Variants in ARHGAP28 observed in about 807,000 individuals in gnomAD.
ARHGAP28 encodes Rho GTPase activating protein 28, also known as rho GTPase-activating protein 28.
In ARHGAP28, 56 loss-of-function variants were observed where a neutral mutation model predicts 90.7. That is an observed-to-expected ratio of 0.62 (90% confidence interval 0.50 to 0.77). ARHGAP28 has a LOEUF of 0.77. Among genes scored for constraint, ARHGAP28 ranks in the 30% least tolerant of loss-of-function variants. The probability of loss-of-function intolerance (pLI) is 0.00; values close to 1 mark genes in which losing one functional copy is unlikely to be tolerated. For synonymous variants in ARHGAP28, 308 were observed against 323.3 expected (o/e 0.95, Z 0.51); for missense variants, 869 against 900.9 (o/e 0.96, Z 0.45).
chr18:6,854,578 T>C (rs1050365426), intron 4 of ARHGAP28, among the ~76,000 whole-genome samples: 2 of 152,176 alleles, frequency 1.3e-5, no homozygotes, highest in Admixed American at 6.5e-5. Flanking sequence ...CTAAATTTTA[T>C]TGAAGGCAGG....
rs187894705 is a variant in ARHGAP28 at position 6,740,363 on chromosome 18, G to A, written c.122+10420G>A. ...CAAAAATTTAGGCTGTGGAAACTCA[G>A]ACTCCTGAGCCATCCCTAGTCTCCT... is the stretch of plus-strand genomic sequence containing the variant. On this transcript the variant is annotated intron_variant, in intron 1 of 17. Coordinates refer to ENST00000383472, the MANE Select transcript of ARHGAP28 (RefSeq NM_001366230.1). Among the ~76,000 whole-genome samples, 120 of 152,264 alleles carry A rather than the reference G, an allele frequency of 7.9e-4. 1 individual carries two copies. Among genetic ancestry groups the A allele is most frequent in the African/African-American group, 2.6e-3 (109 of 41,562 alleles).
intron 1 of ARHGAP28, among the ~76,000 whole-genome samples, chr18:6,782,333 C>T (rs867341597): frequency 6.6e-6 from 1 of 152,082 alleles, no homozygotes; most frequent in South Asian, 2.1e-4. Context: ...TTATTCCTAA[C>T]AGCCTCGATT....
chr18:6,792,314 T>C (rs182601535), intron 1 of ARHGAP28, among the ~76,000 whole-genome samples: 21 of 152,338 alleles, frequency 1.4e-4, no homozygotes, highest in Admixed American at 9.1e-4. Context: ...TGTTCATCAG[T>C]TATGCTCAAT....
At chr18:6,814,792 C>A (rs1477233852) in intron 1 of ARHGAP28, among the ~76,000 whole-genome samples, 1 of 152,086 alleles carries the variant, frequency 6.6e-6, no homozygotes, top group African/African-American at 2.4e-5. Context: ...TATAAAAAGA[C>A]AATTTTTAAA....
At chr18:6,874,022 C>G (rs1362172531) in intron 9 of ARHGAP28, among the ~76,000 whole-genome samples, 1 of 152,196 alleles carries the variant, frequency 6.6e-6, no homozygotes. Context: ...CATCAGGTGA[C>G]AGACACAGAT....
intron 10 of ARHGAP28, among the ~76,000 whole-genome samples, chr18:6,879,714 G>A (rs2057162148): frequency 1.3e-5 from 2 of 152,246 alleles, no homozygotes; most frequent in Admixed American, 6.5e-5. Flanking sequence ...ATAGACCTGA[G>A]AGTGGGGGAG....
chr18:6,810,738 G>T (rs1240125264), intron 1 of ARHGAP28, among the ~76,000 whole-genome samples: 4 of 152,082 alleles, frequency 2.6e-5, no homozygotes, highest in Non-Finnish European at 5.9e-5. Context: ...AGTATGAAGA[G>T]CTGTGTGCTA....
At chr18:6,896,050 G>A (rs567043605) in intron 15 of ARHGAP28, among the ~76,000 whole-genome samples, 1 of 152,156 alleles carries the variant, frequency 6.6e-6, no homozygotes, top group Non-Finnish European at 1.5e-5. Flanking sequence ...ATTGAATTTG[G>A]ACCAGCCATT....
chr18:6,877,247 C>T (rs565376211), intron 10 of ARHGAP28, among the ~76,000 whole-genome samples: 2 of 152,292 alleles, frequency 1.3e-5, no homozygotes, highest in East Asian at 3.9e-4. Flanking sequence ...CTATTGGATC[C>T]TCCAGAAAGC....
chr18:6,869,194 C>T (rs565623076), intron 6 of ARHGAP28, among the ~76,000 whole-genome samples: 49 of 150,070 alleles, frequency 3.3e-4, no homozygotes, highest in African/African-American at 1.1e-3. Context: ...TTATCTTCCT[C>T]TGTTTTGAAT....
intron 4 of ARHGAP28, among the ~76,000 whole-genome samples, chr18:6,853,914 T>C (rs923370731): frequency 6.6e-6 from 1 of 152,204 alleles, no homozygotes; most frequent in Non-Finnish European, 1.5e-5. Flanking sequence ...AAGTAGGCTG[T>C]ACTCTGACCA....
intron 1 of ARHGAP28, among the ~76,000 whole-genome samples, chr18:6,757,675 A>G (rs2056122986): frequency 6.6e-6 from 1 of 152,166 alleles, no homozygotes; most frequent in African/African-American, 2.4e-5. Context: ...CTTTCTCCCT[A>G]TGTCCTCCTC....
Position 6,729,799 on chromosome 18 carries a change from C to T in ARHGAP28, c.-23C>T. ...GTCCCGGTCTTTGTTCTGGGGCCGGCGCCGAGACATGCGCGGCTGACGATG... is the reference window on the plus strand; with the variant it reads ...GTCCCGGTCTTTGTTCTGGGGCCGGTGCCGAGACATGCGCGGCTGACGATG... On this transcript the variant is annotated 5_prime_UTR_variant, in exon 1 of 18. Coordinates refer to ENST00000383472, the MANE Select transcript of ARHGAP28 (RefSeq NM_001366230.1). The T allele has an allele frequency of 3.6e-6, 5 of 1,388,874 alleles. No individual in the cohort carries two copies. In the South Asian group the frequency reaches 4.9e-5, roughly 14 times the overall value. The allele number at this position is 1,388,874 out of a possible 1,614,324, so 86.0% of individuals were successfully genotyped here. A position where few individuals can be genotyped will look rare whatever the true frequency, so the allele number is the denominator to read the frequency against.
At position 6,898,554 on chromosome 18, in the gene ARHGAP28, G is replaced by A. The variant is rs113975040; in HGVS notation, c.2030+1928G>A. 353 of 1,613,430 alleles carry A rather than the reference G, an allele frequency of 2.2e-4. 1 individual carries two copies. The African/African-American group carries it at 4.1e-3, about 19-fold the overall frequency. On this transcript the variant is annotated intron_variant, in intron 16 of 17. Transcript: ENST00000383472. ...CAAACATGTATTCCTCTTCACTATT[G>A]GCCTGGACATCTCCACATAGGCAGT...
At chr18:6,759,634 A>G (rs973708070) in intron 1 of ARHGAP28, among the ~76,000 whole-genome samples, 3 of 152,372 alleles carry the variant, frequency 2.0e-5, no homozygotes, top group South Asian at 2.1e-4. Context: ...AATCTACAGC[A>G]CATCTATTTG....
intron 6 of ARHGAP28, among the ~76,000 whole-genome samples, chr18:6,869,382 T>C (rs2057064973): frequency 6.7e-6 from 1 of 150,198 alleles, no homozygotes; most frequent in African/African-American, 2.4e-5. Flanking sequence ...TGACTCAGCC[T>C]CTTGAGTAGC....
At chr18:6,850,714 T>C in intron 3 of ARHGAP28, 1 of 1,085,154 alleles carries the variant, frequency 9.2e-7, no homozygotes, top group Non-Finnish European at 1.3e-6. Flanking sequence ...ACACTCAGTC[T>C]TTTTAGTTAG....
intron 1 of ARHGAP28, among the ~76,000 whole-genome samples, chr18:6,779,341 G>A (rs2056307308): frequency 6.6e-6 from 1 of 152,166 alleles, no homozygotes. Flanking sequence ...CTGCTGATTA[G>A]GGTTGTGGAA....
chr18:6,761,850 G>A lies in ARHGAP28; in HGVS notation c.122+31907G>A, dbSNP rs1003589646. Among the ~76,000 whole-genome samples the A allele has an allele frequency of 2.0e-5, 3 of 152,152 alleles. 1 individual carries two copies. Among genetic ancestry groups the A allele is most frequent in the Middle Eastern group, 6.3e-3 (2 of 316 alleles). On this transcript the variant is annotated intron_variant, in intron 1 of 17. Coordinates refer to ENST00000383472, the MANE Select transcript of ARHGAP28 (RefSeq NM_001366230.1). ...AGTTATGTTATCTCATTAAGCCTGA[G>A]CTTCCTTATTTGTAAGAAGATGTAT...
Sources: gnomAD v4.1 joint callset for allele counts (sites outside exome capture counted in the v4.1 genomes callset) on GRCh38, gnomAD v4.1.1 for gene constraint, MANE v1.5 for transcripts, NCBI Gene and HGNC (gene_info 2026-07-23, HGNC 2026-07-21) for gene names.